NKAIN2: variants seen among roughly 807,000 people sequenced by gnomAD.
The protein encoded by NKAIN2 is sodium/potassium-transporting ATPase subunit beta-1-interacting protein 2.
NKAIN2 carries 14 observed loss-of-function variants against 32.6 expected under a neutral mutation model. The ratio of observed to expected loss-of-function variants is 0.43; its 90% CI spans 0.28 to 0.67. The LOEUF (loss-of-function observed/expected upper bound fraction) is 0.67. Ranked by LOEUF, NKAIN2 falls within the 30% of genes least tolerant of loss-of-function variation. NKAIN2 has a pLI of 0.17. For missense variants in NKAIN2, 198 were observed against 258.3 expected (o/e 0.77, Z 1.60); for synonymous variants, 80 against 87.2 (o/e 0.92, Z 0.46).
intron 3 of NKAIN2, among the ~76,000 whole-genome samples, chr6:124,375,997 T>C (rs1799974808): frequency 6.6e-6 from 1 of 152,042 alleles, no homozygotes; most frequent in South Asian, 2.1e-4. Flanking sequence ...GAATAGAGAA[T>C]GTAAAAGAAG....
chr6:123,877,928 T>C (rs973481401), intron 1 of NKAIN2, among the ~76,000 whole-genome samples: 3 of 152,214 alleles, frequency 2.0e-5, no homozygotes, highest in Non-Finnish European at 4.4e-5. Flanking sequence ...TTTTAGCTTT[T>C]AATAAATTGT....
chr6:124,272,723 C>T (rs567922455), intron 1 of NKAIN2, among the ~76,000 whole-genome samples: 17 of 152,294 alleles, frequency 1.1e-4, no homozygotes, highest in East Asian at 3.9e-4. Flanking sequence ...AAGCCACAGG[C>T]GCTCAATGCC....
At chr6:124,424,143 G>A (rs1562175616) in intron 3 of NKAIN2, among the ~76,000 whole-genome samples, 2 of 151,954 alleles carry the variant, frequency 1.3e-5, no homozygotes, top group Non-Finnish European at 2.9e-5. Flanking sequence ...ACAGGTGCCC[G>A]CCACCATGCC....
chr6:124,645,570 A>G (rs886255831), intron 3 of NKAIN2, among the ~76,000 whole-genome samples: 8 of 152,202 alleles, frequency 5.3e-5, no homozygotes, highest in African/African-American at 1.7e-4. Context: ...GCAAAATCCT[A>G]CAGACTCCTA....
intron 1 of NKAIN2, among the ~76,000 whole-genome samples, chr6:124,136,475 G>T (rs890530829): frequency 6.6e-6 from 1 of 151,896 alleles, no homozygotes; most frequent in Non-Finnish European, 1.5e-5. Context: ...CAAAAGATGG[G>T]GATAGAAGAA....
chr6:124,453,921 C>T (rs1056727414), intron 3 of NKAIN2, among the ~76,000 whole-genome samples: 1 of 151,908 alleles, frequency 6.6e-6, no homozygotes, highest in Admixed American at 6.6e-5. Flanking sequence ...TAAAAGCAAA[C>T]GTATTGGTAA....
chr6:124,165,462 T>C (rs1788484185), intron 1 of NKAIN2, among the ~76,000 whole-genome samples: 1 of 152,112 alleles, frequency 6.6e-6, no homozygotes, highest in South Asian at 2.1e-4. Context: ...GAAAATGATG[T>C]GTTAGTAAAA....
intron 3 of NKAIN2, among the ~76,000 whole-genome samples, chr6:124,568,968 A>C (rs1170112085): frequency 6.6e-6 from 1 of 152,086 alleles, no homozygotes; most frequent in East Asian, 1.9e-4. Context: ...ACATTTACAC[A>C]ATTTCCCATT....
chr6:124,142,114 T>C (rs1158541624), intron 1 of NKAIN2, among the ~76,000 whole-genome samples: 1 of 152,166 alleles, frequency 6.6e-6, no homozygotes, highest in Admixed American at 6.5e-5. Flanking sequence ...GGATGTATAC[T>C]AGGGTTGCAG....
At chr6:123,965,590 T>C (rs534847755) in intron 1 of NKAIN2, among the ~76,000 whole-genome samples, 1 of 152,282 alleles carries the variant, frequency 6.6e-6, no homozygotes, top group South Asian at 2.1e-4. Context: ...TCCTGCGATC[T>C]AACCAAACTA....
Position 124,658,405 on chromosome 6 carries a change from C to G in NKAIN2, c.474+19C>G. The G allele has an allele frequency of 6.2e-7, 1 of 1,614,052 alleles. No individual in the cohort carries two copies. The highest frequency in any genetic ancestry group is 8.5e-7 in the Non-Finnish European group (1 of 1,179,992). ...CCTCGCAGTAAGTGTTGGCAGCCAA[C>G]CGCTCCTTCTAGTGCCTCTGGGGTT... is the stretch of plus-strand genomic sequence containing the variant. On this transcript the variant is annotated intron_variant, in intron 4 of 6. Transcript: ENST00000368417.
intron 1 of NKAIN2, among the ~76,000 whole-genome samples, chr6:124,176,490 C>A (rs1562403025): frequency 1.3e-5 from 2 of 152,034 alleles, no homozygotes; most frequent in Non-Finnish European, 2.9e-5. Context: ...ATTGCTTTGG[C>A]TAAAACTTCC....
chr6:124,165,638 G>A (rs1788495339), intron 1 of NKAIN2, among the ~76,000 whole-genome samples: 1 of 149,116 alleles, frequency 6.7e-6, no homozygotes, highest in Non-Finnish European at 1.5e-5. Flanking sequence ...TTAGCATTAG[G>A]TATATCTCCT....
At chr6:124,593,314 C>G (rs750877201) in intron 3 of NKAIN2, among the ~76,000 whole-genome samples, 36 of 152,128 alleles carry the variant, frequency 2.4e-4, no homozygotes, top group Admixed American at 3.9e-4. Context: ...CTGCATTACT[C>G]TTCTTTCACC....
chr6:123,809,137 T>A (rs910557085), intron 1 of NKAIN2, among the ~76,000 whole-genome samples: 9 of 152,160 alleles, frequency 5.9e-5, no homozygotes, highest in African/African-American at 2.2e-4. Flanking sequence ...TTGCTATTAA[T>A]GGAAATTACC....
intron 1 of NKAIN2, among the ~76,000 whole-genome samples, chr6:124,165,351 T>C (rs2114471125): frequency 2.0e-5 from 3 of 152,204 alleles, no homozygotes; most frequent in Admixed American, 2.0e-4. Context: ...TGGTCAGCCC[T>C]GAATTAAAAC....
chr6:124,356,636 G>A (rs886454973), intron 3 of NKAIN2, among the ~76,000 whole-genome samples: 25 of 152,068 alleles, frequency 1.6e-4, no homozygotes, highest in African/African-American at 4.6e-4. Context: ...GGAAGGTGCC[G>A]TGACCAATGA....
chr6:124,201,870 T>A (rs1479732095), intron 1 of NKAIN2, among the ~76,000 whole-genome samples: 1 of 152,070 alleles, frequency 6.6e-6, no homozygotes, highest in Non-Finnish European at 1.5e-5. Flanking sequence ...AGTGAGAGAA[T>A]AACTTCAAAT....
At chr6:124,165,965 C>T (rs1404165976) in intron 1 of NKAIN2, among the ~76,000 whole-genome samples, 11 of 99,550 alleles carry the variant, frequency 1.1e-4, no homozygotes, top group African/African-American at 2.3e-4. Context: ...TGAATAGTGC[C>T]GCAATAAACA....
Sources: gnomAD v4.1 joint callset for allele counts (sites outside exome capture counted in the v4.1 genomes callset) on GRCh38, gnomAD v4.1.1 for gene constraint, MANE v1.5 for transcripts, NCBI Gene and HGNC (gene_info 2026-07-23, HGNC 2026-07-21) for gene names.